Variants in PTPRJ observed in about 807,000 individuals in gnomAD.
PTPRJ encodes receptor-type tyrosine-protein phosphatase eta.
In PTPRJ, 129 loss-of-function variants were observed where a neutral mutation model predicts 141.3. The ratio of observed to expected loss-of-function variants is 0.91; its 90% confidence interval spans 0.79 to 1.06. The LOEUF is 1.06. Among genes scored for constraint, PTPRJ ranks in the 50% least tolerant of loss-of-function variants. PTPRJ has a pLI of 0.00. For synonymous variants in PTPRJ, 610 were observed against 640.5 expected (o/e 0.95, Z 0.72); for missense variants, 1,601 against 1,679.7 (o/e 0.95, Z 0.82).
intron 1 of PTPRJ, among the ~76,000 whole-genome samples, chr11:48,094,238 A>G (rs1855946073): frequency 6.6e-6 from 1 of 152,236 alleles, no homozygotes; most frequent in African/African-American, 2.4e-5. Context: ...TAAAACATGT[A>G]AGAAGAAGAA....
At chr11:48,016,273 C>T (rs1419936134) in intron 1 of PTPRJ, among the ~76,000 whole-genome samples, 1 of 152,192 alleles carries the variant, frequency 6.6e-6, no homozygotes, top group Non-Finnish European at 1.5e-5. Flanking sequence ...CAGATGAGCA[C>T]TGTTATGTTC....
chr11:48,106,831 C>T (rs562692245), intron 1 of PTPRJ, among the ~76,000 whole-genome samples: 2 of 140,468 alleles, frequency 1.4e-5, no homozygotes, highest in South Asian at 2.2e-4. Flanking sequence ...TGCAGTGGCG[C>T]GATCTCAGCT....
chr11:48,032,584 A>G (rs1854011141), intron 1 of PTPRJ, among the ~76,000 whole-genome samples: 1 of 152,024 alleles, frequency 6.6e-6, no homozygotes, highest in South Asian at 2.1e-4. Flanking sequence ...ACAAGGAGAA[A>G]CCCCATCTCT....
intron 1 of PTPRJ, among the ~76,000 whole-genome samples, chr11:47,991,382 G>A (rs1434796682): frequency 6.6e-6 from 1 of 152,038 alleles, no homozygotes; most frequent in Non-Finnish European, 1.5e-5. Context: ...CCTGTCTCTC[G>A]GTACATTTTC....
chr11:48,082,410 ATTTTT>A lies in PTPRJ; in HGVS notation c.97-27632_97-27628del, dbSNP rs386373791. On this transcript the variant is annotated intron_variant, in intron 1 of 24. Coordinates refer to ENST00000418331, the MANE Select transcript of PTPRJ (RefSeq NM_002843.4). ...AGGCTTACACCACCATACCTGGCAA[ATTTTT>A]TTTTTTTTTTTTTTTGGAGAGGCAG... Among the ~76,000 whole-genome samples the A allele has an allele frequency of 8.6e-4, 108 of 125,250 alleles. No homozygotes were observed. The Middle Eastern group carries it at 0.018, about 21-fold the overall frequency. The allele number at this position is 125,250 out of a possible 152,430, so 82.2% of individuals were successfully genotyped here.
chr11:48,121,469 C>G (rs1472643931), intron 4 of PTPRJ, among the ~76,000 whole-genome samples: 1 of 152,194 alleles, frequency 6.6e-6, no homozygotes, highest in African/African-American at 2.4e-5. Flanking sequence ...TTGGGAAGTT[C>G]TAACTACTTC....
chr11:47,985,562 T>C (rs1285709780), intron 1 of PTPRJ, among the ~76,000 whole-genome samples: 1 of 152,220 alleles, frequency 6.6e-6, no homozygotes, highest in Middle Eastern at 3.2e-3. Flanking sequence ...CATTAACTAC[T>C]ACGTGGCGGA....
At chr11:48,033,701 A>G (rs950323084) in intron 1 of PTPRJ, among the ~76,000 whole-genome samples, 1 of 152,180 alleles carries the variant, frequency 6.6e-6, no homozygotes, top group Non-Finnish European at 1.5e-5. Flanking sequence ...GTGAGCCTGT[A>G]CTTGAGATCT....
chr11:48,089,148 A>G (rs1363925489), intron 1 of PTPRJ, among the ~76,000 whole-genome samples: 1 of 152,220 alleles, frequency 6.6e-6, no homozygotes, highest in African/African-American at 2.4e-5. Context: ...ACGTGAAATA[A>G]AACCCCATTT....
intron 1 of PTPRJ, among the ~76,000 whole-genome samples, chr11:48,105,391 T>G (rs971198900): frequency 1.3e-5 from 2 of 152,060 alleles, no homozygotes; most frequent in Non-Finnish European, 2.9e-5. Context: ...GGAGAGGGTC[T>G]CAGAGCCTGG....
intron 8 of PTPRJ, among the ~76,000 whole-genome samples, chr11:48,133,976 A>C (rs374206712): frequency 1.3e-5 from 2 of 152,172 alleles, no homozygotes; most frequent in South Asian, 2.1e-4. Flanking sequence ...ATTATTGTTT[A>C]ATGGCTACAG....
At chr11:48,143,166 G>A in intron 12 of PTPRJ, 116 bp downstream of exon 12, 2 of 1,364,282 alleles carry the variant, frequency 1.5e-6, no homozygotes, top group Non-Finnish European at 2.0e-6. Flanking sequence ...TCTCACTGCA[G>A]CCTATGCTGT....
intron 1 of PTPRJ, among the ~76,000 whole-genome samples, chr11:48,089,515 C>CAAAAAAAAA (rs56252336): frequency 2.6e-5 from 3 of 116,640 alleles, no homozygotes; most frequent in African/African-American, 3.2e-5. Context: ...GACTCCATCT[C>CAAAAAAAAA]AAAAAAAAAA....
chr11:48,103,685 G>C (rs12282960), intron 1 of PTPRJ, among the ~76,000 whole-genome samples: 1 of 152,194 alleles, frequency 6.6e-6, no homozygotes. Context: ...ACACAGATAT[G>C]TATGAAATGT....
intron 1 of PTPRJ, among the ~76,000 whole-genome samples, chr11:48,062,397 C>T (rs1483944334): frequency 6.6e-6 from 1 of 151,840 alleles, no homozygotes; most frequent in Non-Finnish European, 1.5e-5. Context: ...CCTGTAGTAC[C>T]AGCTACTTGG....
At chr11:48,157,561 A>T (rs1857642753) in intron 21 of PTPRJ, among the ~76,000 whole-genome samples, 1 of 152,188 alleles carries the variant, frequency 6.6e-6, no homozygotes, top group South Asian at 2.1e-4. Context: ...TTTCTGGGTG[A>T]TTCTACTGCT....
At chr11:48,004,160 C>G (rs1854567069) in intron 1 of PTPRJ, among the ~76,000 whole-genome samples, 1 of 152,164 alleles carries the variant, frequency 6.6e-6, no homozygotes, top group Non-Finnish European at 1.5e-5. Flanking sequence ...TGAAATATGA[C>G]TGACACCTAC....
At chr11:47,997,348 C>T (rs1464028604) in intron 1 of PTPRJ, among the ~76,000 whole-genome samples, 1 of 152,262 alleles carries the variant, frequency 6.6e-6, no homozygotes, top group Non-Finnish European at 1.5e-5. Flanking sequence ...CTCTCATTCT[C>T]ATGGGATTGG....
At chr11:47,994,481 C>G (rs1273697486) in intron 1 of PTPRJ, among the ~76,000 whole-genome samples, 1 of 151,844 alleles carries the variant, frequency 6.6e-6, no homozygotes, top group African/African-American at 2.4e-5. Context: ...ATGGTGAAAC[C>G]CTGTCTCTAC....
Sources: allele counts gnomAD v4.1 joint callset (sites outside exome capture counted in the v4.1 genomes callset), GRCh38; gene constraint gnomAD v4.1.1; transcripts MANE v1.5; gene names NCBI Gene and HGNC (gene_info 2026-07-23, HGNC 2026-07-21).